The following HLCS variants were observed in gnomAD, a reference collection of about 807,000 sequenced individuals.
The protein encoded by HLCS is holocarboxylase synthetase.
Under a neutral mutation model 75.0 loss-of-function variants are expected in HLCS, and 53 were observed. That is an observed-to-expected ratio of 0.71 (90% CI 0.57 to 0.89). HLCS has a LOEUF of 0.89. HLCS is among the 40% of genes least tolerant of loss of function. The probability of loss-of-function intolerance (pLI) is 0.00; values close to 1 mark genes in which losing one functional copy is unlikely to be tolerated. For synonymous variants in HLCS, 431 were observed against 428.6 expected (o/e 1.01, Z -0.07); for missense variants, 966 against 1,074.0 (o/e 0.90, Z 1.41).
chr21:36,945,039 G>C (rs1333024422), intron 2 of HLCS, among the ~76,000 whole-genome samples: 1 of 152,102 alleles, frequency 6.6e-6, no homozygotes, highest in East Asian at 1.9e-4. Context: ...AGAATGGCGT[G>C]AACCCAGGAA....
chr21:36,759,941 G>A (rs894312140), intron 8 of HLCS, 100 bp from the exon 9 acceptor site: 20 of 792,766 alleles, frequency 2.5e-5, no homozygotes, highest in Middle Eastern at 2.2e-4. Flanking sequence ...AAGGTAACAT[G>A]GGCCTCGTCC....
At chr21:36,887,633 A>G (rs78759941) in intron 6 of HLCS, among the ~76,000 whole-genome samples, 3,187 of 152,328 alleles carry the variant, frequency 0.021, 56 homozygotes, top group Admixed American at 0.044. Flanking sequence ...GCCAAAGTCA[A>G]AGGCCAAAGT....
intron 5 of HLCS, among the ~76,000 whole-genome samples, chr21:36,913,359 T>A (rs922841694): frequency 6.6e-6 from 1 of 151,758 alleles, no homozygotes; most frequent in Non-Finnish European, 1.5e-5. Flanking sequence ...ATAAACTCAA[T>A]ATGCAACTAT....
chr21:36,824,598 C>A (rs116014259), intron 6 of HLCS, among the ~76,000 whole-genome samples: 1,717 of 152,230 alleles, frequency 0.011, 41 homozygotes, highest in African/African-American at 0.039. Context: ...AAGCAAAAAA[C>A]AAACAAACAA....
At chr21:36,754,635 C>T (rs1298679095) in intron 10 of HLCS, among the ~76,000 whole-genome samples, 2 of 152,200 alleles carry the variant, frequency 1.3e-5, no homozygotes, top group African/African-American at 4.8e-5. Context: ...GCAAGTTCAA[C>T]AAGGAGTCGA....
intron 6 of HLCS, among the ~76,000 whole-genome samples, chr21:36,888,270 AC>A (rs1377184369): frequency 6.6e-6 from 1 of 151,440 alleles, no homozygotes; most frequent in Non-Finnish European, 1.5e-5. Flanking sequence ...AGCAGCACAG[AC>A]CCAGAAGGGA....
At chr21:36,907,432 G>T (rs2065507599) in intron 5 of HLCS, among the ~76,000 whole-genome samples, 1 of 152,298 alleles carries the variant, frequency 6.6e-6, no homozygotes, top group African/African-American at 2.4e-5. Context: ...GAGGTGGGTG[G>T]ATCACCTGAG....
intron 6 of HLCS, among the ~76,000 whole-genome samples, chr21:36,837,017 C>CTACAAAAA (rs1348237211): frequency 6.6e-6 from 1 of 152,060 alleles, no homozygotes; most frequent in Non-Finnish European, 1.5e-5. Context: ...AACCCCATGT[C>CTACAAAAA]TACAAAAATA....
At chr21:36,982,943 G>T (rs2069151799) in intron 1 of HLCS, among the ~76,000 whole-genome samples, 1 of 152,070 alleles carries the variant, frequency 6.6e-6, no homozygotes, top group African/African-American at 2.4e-5. Context: ...GCAGAGAATT[G>T]CTTAAACCCA....
At chr21:36,892,969 C>A (rs893186569) in intron 6 of HLCS, among the ~76,000 whole-genome samples, 3 of 152,152 alleles carry the variant, frequency 2.0e-5, no homozygotes, top group Non-Finnish European at 2.9e-5. Context: ...AAGTGATAGT[C>A]TCATCATGTT....
intron 6 of HLCS, among the ~76,000 whole-genome samples, chr21:36,843,768 C>T (rs79533197): frequency 0.029 from 4,448 of 151,824 alleles, 91 homozygotes; most frequent in African/African-American, 0.051. Context: ...TTAAGGAGGT[C>T]GAGAGGTAGG....
intron 6 of HLCS, among the ~76,000 whole-genome samples, chr21:36,772,106 T>G (rs781464684): frequency 1.3e-5 from 2 of 152,134 alleles, no homozygotes; most frequent in Non-Finnish European, 2.9e-5. Flanking sequence ...AGAACATAAG[T>G]CATCTAGGTA....
rs57476060 is a variant in HLCS at position 36,945,755 on chromosome 21, G to A, written c.331-6761C>T. Among the ~76,000 whole-genome samples the A allele has an allele frequency of 7.1e-3, 1,076 of 152,316 alleles. 13 individuals are homozygous for A. Among genetic ancestry groups the A allele is most frequent in the African/African-American group, 0.025 (1,036 of 41,558 alleles). On this transcript the variant is annotated intron_variant, in intron 2 of 10. Transcript: ENST00000674895. Reference sequence around the variant, plus strand: ...ATAATGCTAATGATTGCACAACTTTGTGAATATACTAAAAACTACTGAATT... The same window carrying A: ...ATAATGCTAATGATTGCACAACTTTATGAATATACTAAAAACTACTGAATT...
intron 6 of HLCS, among the ~76,000 whole-genome samples, chr21:36,826,370 G>A (rs567258424): frequency 6.6e-6 from 1 of 152,258 alleles, no homozygotes; most frequent in South Asian, 2.1e-4. Context: ...TTCAGTACTC[G>A]CTACACTGAT....
At chr21:36,844,848 C>T (rs1300220393) in intron 6 of HLCS, among the ~76,000 whole-genome samples, 1 of 152,162 alleles carries the variant, frequency 6.6e-6, no homozygotes, top group Non-Finnish European at 1.5e-5. Flanking sequence ...GCATTCGGTG[C>T]TCCCTAATTA....
chr21:36,763,127 C>A lies in HLCS; in HGVS notation c.2121+1885G>T, dbSNP rs527311270. On this transcript the variant is annotated intron_variant, in intron 8 of 10. Transcript: ENST00000674895. ...GCAACCTCTGCCTCCCGAGTTCAAG[C>A]GATTCTTGTGCCTCAGCCTCCCGAG... is the stretch of plus-strand genomic sequence containing the variant. Among the ~76,000 whole-genome samples the A allele has an allele frequency of 2.0e-5, 3 of 152,128 alleles. No individual in the cohort carries two copies. In the South Asian group the frequency reaches 6.2e-4, roughly 32 times the overall value.
At chr21:36,759,526 G>A (rs924168662) in intron 9 of HLCS, among the ~76,000 whole-genome samples, 1 of 152,174 alleles carries the variant, frequency 6.6e-6, no homozygotes, top group Admixed American at 6.5e-5. Flanking sequence ...GGTGGTTCCC[G>A]TGGTCACACA....
At chr21:36,822,455 C>T (rs1335584298) in intron 6 of HLCS, among the ~76,000 whole-genome samples, 1 of 152,110 alleles carries the variant, frequency 6.6e-6, no homozygotes, top group Non-Finnish European at 1.5e-5. Flanking sequence ...AGCATCAATC[C>T]TCTAATCTAA....
intron 6 of HLCS, among the ~76,000 whole-genome samples, chr21:36,880,722 C>T (rs898686615): frequency 1.3e-5 from 2 of 152,194 alleles, no homozygotes; most frequent in Non-Finnish European, 2.9e-5. Context: ...AGGTTCTATA[C>T]TATGTTAGTA....
Sources: allele counts gnomAD v4.1 joint callset (sites outside exome capture counted in the v4.1 genomes callset), GRCh38; gene constraint gnomAD v4.1.1; transcripts MANE v1.5; gene names NCBI Gene and HGNC (gene_info 2026-07-23, HGNC 2026-07-21).